SHC3: variants seen among roughly 807,000 people sequenced by gnomAD.
SHC3 encodes the protein SHC adaptor protein 3, also known as SHC-transforming protein 3.
A neutral mutation model predicts 60.4 loss-of-function variants in SHC3; 15 were observed. The ratio of observed to expected loss-of-function variants is 0.25; its 90% confidence interval spans 0.17 to 0.38. SHC3 has a LOEUF of 0.38. SHC3 is among the 10% of genes least tolerant of loss of function. The probability of loss-of-function intolerance (pLI) is 1.00; values close to 1 mark genes in which losing one functional copy is unlikely to be tolerated. For missense variants in SHC3, 677 were observed against 786.1 expected (o/e 0.86, Z 1.66); for synonymous variants, 294 against 325.9 (o/e 0.90, Z 1.05).
chr9:89,044,979 A>C (rs1025722428), intron 9 of SHC3, among the ~76,000 whole-genome samples: 1 of 152,192 alleles, frequency 6.6e-6, no homozygotes, highest in African/African-American at 2.4e-5. Context: ...TCCCCCCTGA[A>C]GCTGACCCTG....
intron 11 of SHC3, chr9:89,037,264 T>C (rs966550126): frequency 4.2e-6 from 2 of 481,758 alleles, no homozygotes; most frequent in African/African-American, 4.0e-5. Context: ...AATCAGAAAA[T>C]GCAATGTTCT....
chr9:89,046,157 CTA>C (rs1353856799), intron 8 of SHC3, among the ~76,000 whole-genome samples: 1 of 141,314 alleles, frequency 7.1e-6, no homozygotes, highest in East Asian at 2.2e-4. Context: ...TACAGAGTAT[CTA>C]TGTGTCAGAA....
intron 1 of SHC3, among the ~76,000 whole-genome samples, chr9:89,142,035 C>G (rs924872071): frequency 6.6e-6 from 1 of 152,140 alleles, no homozygotes; most frequent in African/African-American, 2.4e-5. Flanking sequence ...CCCCATGTCC[C>G]TTCATCCTGT....
intron 11 of SHC3, among the ~76,000 whole-genome samples, chr9:89,018,956 G>C (rs1198252813): frequency 1.3e-5 from 2 of 151,596 alleles, no homozygotes; most frequent in Non-Finnish European, 2.9e-5. Flanking sequence ...CTACTCGGAA[G>C]GCTGAGGCAG....
intron 11 of SHC3, among the ~76,000 whole-genome samples, chr9:89,025,598 TG>T (rs1826281440): frequency 1.3e-5 from 2 of 152,118 alleles, no homozygotes; most frequent in East Asian, 1.9e-4. Context: ...TGATGGGAAG[TG>T]GGGGTCAGAC....
At chr9:89,096,711 C>T (rs7869226) in intron 2 of SHC3, among the ~76,000 whole-genome samples, 1,535 of 152,264 alleles carry the variant, frequency 0.01, 29 homozygotes, top group African/African-American at 0.034. Context: ...TAACCCCCAG[C>T]GGACATTTGG....
rs74407721 is a variant in SHC3, at chr9:89,010,994, G to A, written c.*2453C>T. The A allele has an allele frequency of 0.012, 1,888 of 152,344 alleles. 13 individuals carry two copies. The highest frequency in any genetic ancestry group is 0.019 in the Non-Finnish European group (1,262 of 68,044). The allele number at this position is 152,344 out of a possible 1,614,324, so 9.4% of individuals were successfully genotyped here. ...AATGGCCCACCACACAGTGCTGGAGGGAAGAGTTGGGATAACTAATGTGTG... is the reference window on the plus strand; with the variant it reads ...AATGGCCCACCACACAGTGCTGGAGAGAAGAGTTGGGATAACTAATGTGTG... On this transcript the variant is annotated 3_prime_UTR_variant, in exon 12 of 12. Coordinates refer to ENST00000375835, the MANE Select transcript of SHC3 (RefSeq NM_016848.6).
chr9:89,149,376 T>C (rs921769260), intron 1 of SHC3, among the ~76,000 whole-genome samples: 3 of 152,194 alleles, frequency 2.0e-5, no homozygotes, highest in African/African-American at 4.8e-5. Flanking sequence ...CATTATAAAA[T>C]GCTTCAGAAA....
intron 8 of SHC3, 70 bp from the exon 9 acceptor site, chr9:89,045,903 C>G: frequency 6.6e-7 from 1 of 1,506,272 alleles, no homozygotes; most frequent in Non-Finnish European, 9.2e-7. Context: ...TTGAAAGCCA[C>G]AAGACAGTCG....
At chr9:89,037,490 G>C in intron 11 of SHC3, 1 of 714,564 alleles carries the variant, frequency 1.4e-6, no homozygotes, top group Non-Finnish European at 2.6e-6. Flanking sequence ...TACAGCTGTA[G>C]TGCCAGGGAT....
chr9:89,097,528 C>T (rs1825722677), intron 2 of SHC3, among the ~76,000 whole-genome samples: 1 of 152,208 alleles, frequency 6.6e-6, no homozygotes. Flanking sequence ...GAGGAATTAT[C>T]GAATATAACT....
chr9:89,066,523 C>CA (rs1396487889), intron 5 of SHC3, among the ~76,000 whole-genome samples: 1 of 152,120 alleles, frequency 6.6e-6, no homozygotes, highest in Non-Finnish European at 1.5e-5. Context: ...CCACGGCAAC[C>CA]ATATGCATTT....
At chr9:89,048,525 G>A (rs993286784) in intron 7 of SHC3, among the ~76,000 whole-genome samples, 1 of 152,166 alleles carries the variant, frequency 6.6e-6, no homozygotes, top group Non-Finnish European at 1.5e-5. Flanking sequence ...GGAGAATGGG[G>A]AGTAATTGCT....
At chr9:89,125,908 G>C (rs528261613) in intron 1 of SHC3, among the ~76,000 whole-genome samples, 221 of 152,194 alleles carry the variant, frequency 1.5e-3, no homozygotes, top group African/African-American at 5.1e-3. Flanking sequence ...GTAGCTCTTG[G>C]GGCTGCTCCG....
chr9:89,081,312 A>G (rs1825440961), intron 2 of SHC3, among the ~76,000 whole-genome samples: 1 of 152,216 alleles, frequency 6.6e-6, no homozygotes, highest in Non-Finnish European at 1.5e-5. Flanking sequence ...ATGGCTCCAA[A>G]AAACACAAAC....
intron 2 of SHC3, among the ~76,000 whole-genome samples, chr9:89,097,106 GAAAAAAAAAAAAAAAAAAAAAA>G (rs10523898): frequency 1.2e-5 from 1 of 81,098 alleles, no homozygotes; most frequent in Non-Finnish European, 2.4e-5. Flanking sequence ...TCGCTCTCAT[GAAAAAAAAAAAAAAAAAAAAAA>G]AAAAAACAAG....
At chr9:89,043,109 T>C (rs1824714192) in intron 9 of SHC3, among the ~76,000 whole-genome samples, 1 of 152,210 alleles carries the variant, frequency 6.6e-6, no homozygotes, top group Admixed American at 6.5e-5. Context: ...TCATACCCTA[T>C]GGGCGGTGGT....
intron 1 of SHC3, among the ~76,000 whole-genome samples, chr9:89,176,904 G>A (rs1361763747): frequency 5.9e-5 from 9 of 152,164 alleles, no homozygotes; most frequent in Non-Finnish European, 1.2e-4. Context: ...TTTACCTGAG[G>A]ATGTGTTCTA....
intron 1 of SHC3, among the ~76,000 whole-genome samples, chr9:89,139,696 A>G (rs1826365666): frequency 1.3e-5 from 2 of 152,226 alleles, no homozygotes; most frequent in South Asian, 4.1e-4. Flanking sequence ...AGTTTCTTCA[A>G]GGGGCTTTTA....
Sources: gnomAD v4.1 joint callset for allele counts (sites outside exome capture counted in the v4.1 genomes callset) on GRCh38, gnomAD v4.1.1 for gene constraint, MANE v1.5 for transcripts, NCBI Gene and HGNC (gene_info 2026-07-23, HGNC 2026-07-21) for gene names.